Variants in FKTN observed in about 807,000 individuals in gnomAD.
FKTN encodes ribitol-5-phosphate transferase FKTN.
Under a neutral mutation model 58.6 loss-of-function variants are expected in FKTN, and 47 were observed. That is an observed-to-expected ratio of 0.80 (90% CI 0.63 to 1.02). The LOEUF is 1.02. FKTN is among the 50% of genes least tolerant of loss of function. FKTN has a pLI of 0.00. For missense variants in FKTN, 516 were observed against 537.3 expected (o/e 0.96, Z 0.39); for synonymous variants, 178 against 191.9 (o/e 0.93, Z 0.60).
chr9:105,560,716 G>C (rs1838139989), intron 1 of FKTN, among the ~76,000 whole-genome samples: 1 of 152,132 alleles, frequency 6.6e-6, no homozygotes, highest in African/African-American at 2.4e-5. Context: ...TCTATTTGCT[G>C]TATGATTTTA....
intron 5 of FKTN, chr9:105,603,847 G>A: frequency 3.2e-6 from 1 of 309,980 alleles, no homozygotes; most frequent in South Asian, 3.0e-5. Context: ...GCAAATTTTT[G>A]TTTGTATTTT....
At chr9:105,571,332 G>A (rs951919945) in intron 1 of FKTN, among the ~76,000 whole-genome samples, 4 of 152,240 alleles carry the variant, frequency 2.6e-5, no homozygotes, top group Middle Eastern at 3.4e-3. Context: ...TTTTTAAGTG[G>A]TTACTGAATA....
chr9:105,615,521 C>T lies in FKTN; in HGVS notation c.910+114C>T, dbSNP rs904086570. ...ACATTTGAAGTGTCATGTGTATAGA[C>T]AGAATAAACATGAGTGCATGCAGCA... On this transcript the variant is annotated intron_variant, in intron 8 of 10. Coordinates refer to ENST00000357998, the MANE Select transcript of FKTN (RefSeq NM_001079802.2). 5.1e-6 allele frequency: 5 copies of T among 974,792 alleles called. No individual in the cohort carries two copies. The Admixed American group carries it at 6.9e-5, about 13-fold the overall frequency. 60.4% of individuals were successfully genotyped at this position (974,792 alleles called of 1,614,324 possible).
intron 4 of FKTN, chr9:105,598,020 T>G (rs1827123131): frequency 2.7e-6 from 1 of 364,168 alleles, no homozygotes; most frequent in Admixed American, 3.7e-5. Context: ...TAAAATGGAA[T>G]TTGTGAAAAA....
chr9:105,597,417 A>T (rs1286788284), intron 4 of FKTN, among the ~76,000 whole-genome samples: 1 of 152,150 alleles, frequency 6.6e-6, no homozygotes, highest in African/African-American at 2.4e-5. Context: ...GGGATATCCT[A>T]TTATCAGGCT....
chr9:105,563,722 G>A (rs1337845022), intron 1 of FKTN, among the ~76,000 whole-genome samples: 4 of 152,146 alleles, frequency 2.6e-5, no homozygotes, highest in African/African-American at 7.2e-5. Context: ...CTTCACCTCT[G>A]GGGGCAGGGC....
intron 6 of FKTN, 138 bp from the exon 7 acceptor site, chr9:105,607,681 C>A (rs1036177132): frequency 2.9e-6 from 2 of 701,484 alleles, no homozygotes; most frequent in African/African-American, 1.8e-5. Context: ...CATAGGTATA[C>A]ATGTGCCATG....
At chr9:105,572,247 TA>T (rs1204330098) in intron 1 of FKTN, among the ~76,000 whole-genome samples, 13 of 151,668 alleles carry the variant, frequency 8.6e-5, no homozygotes, top group Admixed American at 4.6e-4. Flanking sequence ...TATATATATA[TA>T]TATTTTAGTG....
At chr9:105,603,300 A>G (rs755922690) in intron 5 of FKTN, among the ~76,000 whole-genome samples, 4 of 152,260 alleles carry the variant, frequency 2.6e-5, no homozygotes, top group East Asian at 3.9e-4. Flanking sequence ...CCCCTCAGTC[A>G]GTGCTTTCTA....
intron 4 of FKTN, chr9:105,597,994 G>T (rs1444765168): frequency 8.8e-6 from 3 of 341,426 alleles, no homozygotes; most frequent in Non-Finnish European, 1.8e-5. Context: ...GAAAGTACAG[G>T]TTCACTGATA....
At chr9:105,587,456 G>T (rs1367621327) in intron 3 of FKTN, among the ~76,000 whole-genome samples, 8 of 152,140 alleles carry the variant, frequency 5.3e-5, no homozygotes, top group African/African-American at 1.9e-4. Flanking sequence ...TTTTTAGTTG[G>T]TTAGTTACTT....
intron 3 of FKTN, among the ~76,000 whole-genome samples, chr9:105,585,919 A>G (rs192316503): frequency 1.3e-5 from 2 of 152,234 alleles, no homozygotes; most frequent in East Asian, 3.9e-4. Flanking sequence ...ATTTTCAGAG[A>G]CCCTTGAGAT....
At chr9:105,607,549 T>C (rs1829121662) in intron 6 of FKTN, among the ~76,000 whole-genome samples, 2 of 152,016 alleles carry the variant, frequency 1.3e-5, no homozygotes, top group African/African-American at 4.8e-5. Flanking sequence ...TGTTTGATAT[T>C]TGTAAGAGGC....
chr9:105,583,726 A>G lies in FKTN; in HGVS notation c.105+8589A>G, dbSNP rs79787326. On this transcript the variant is annotated intron_variant, in intron 3 of 10. Transcript: ENST00000357998. ...TAATGTATAAATAGACAGATGTCAA[A>G]ATCTGTTTTCCTTAGGGCATCTGTT... 9.1e-3 allele frequency among the ~76,000 whole-genome samples: 1,380 copies of G among 152,286 alleles called. 22 individuals carry two copies. The highest frequency in any genetic ancestry group is 0.032 in the African/African-American group (1,322 of 41,578).
intron 3 of FKTN, among the ~76,000 whole-genome samples, chr9:105,581,485 CA>C (rs963176133): frequency 5.0e-4 from 75 of 150,820 alleles, no homozygotes; most frequent in Non-Finnish European, 8.0e-4. Flanking sequence ...GCTCGGGGGT[CA>C]GGGGTCAGGG....
chr9:105,579,530 ATAGT>A (rs527982482), intron 3 of FKTN, among the ~76,000 whole-genome samples: 2,002 of 151,568 alleles, frequency 0.013, 29 homozygotes, highest in Non-Finnish European at 0.019. Flanking sequence ...GGTCTGAGAG[ATAGT>A]TTGTTATAAT....
At position 105,615,336 on chromosome 9, in the gene FKTN, T is replaced by TA; in HGVS notation, c.840dup (p.Leu281ThrfsTer35). The TA allele has an allele frequency of 6.2e-7, 1 of 1,613,706 alleles. No individual in the cohort carries two copies. The highest frequency in any genetic ancestry group is 8.5e-7 in the Non-Finnish European group (1 of 1,179,546). On this transcript the variant is annotated frameshift_variant, in exon 8 of 11. Transcript: ENST00000357998. LOFTEE classifies it high-confidence loss of function. ...GCCTTTCGGAAGAGTGCAAAGGAAT[T>TA]ACTGCAACTAGCAGCGAAAACATTA...
intron 1 of FKTN, among the ~76,000 whole-genome samples, chr9:105,570,114 T>G (rs917520556): frequency 2.0e-5 from 3 of 152,142 alleles, no homozygotes; most frequent in Non-Finnish European, 4.4e-5. Context: ...ATATGTGAGT[T>G]TAAGGGGCTT....
intron 3 of FKTN, among the ~76,000 whole-genome samples, chr9:105,579,281 C>G (rs927634197): frequency 1.3e-5 from 2 of 152,074 alleles, no homozygotes; most frequent in Non-Finnish European, 2.9e-5. Flanking sequence ...TAGATCTTTC[C>G]TGCTTTCTCT....
Sources: gnomAD v4.1 joint callset for allele counts (sites outside exome capture counted in the v4.1 genomes callset) on GRCh38, gnomAD v4.1.1 for gene constraint, MANE v1.5 for transcripts, NCBI Gene and HGNC (gene_info 2026-07-23, HGNC 2026-07-21) for gene names.